The following FOXP1 variants were observed in gnomAD, a reference collection of about 807,000 sequenced individuals.
The protein encoded by FOXP1 is forkhead box protein P1.
A neutral mutation model predicts 98.2 loss-of-function variants in FOXP1; 15 were observed. The ratio of observed to expected loss-of-function variants is 0.15; its 90% CI spans 0.10 to 0.24. FOXP1 has a LOEUF of 0.24. Ranked by LOEUF, FOXP1 falls within the 10% of genes least tolerant of loss-of-function variation. The pLI is 1.00. For synonymous variants in FOXP1, 371 were observed against 314.5 expected, an observed-to-expected ratio of 1.18 and a Z score of -1.90; for missense variants, 633 against 848.5, an observed-to-expected ratio of 0.75 and a Z score of 3.15.
chr3:71,136,810 G>T (rs1553755035), intron 6 of FOXP1, among the ~76,000 whole-genome samples: 7 of 50,252 alleles, frequency 1.4e-4, no homozygotes. Flanking sequence ...CTTTCTCTGA[G>T]AAATACAACA....
intron 6 of FOXP1, among the ~76,000 whole-genome samples, chr3:71,162,163 A>T (rs2061169931): frequency 6.6e-6 from 1 of 152,236 alleles, no homozygotes; most frequent in South Asian, 2.1e-4. Context: ...ATCATCACTT[A>T]CAATTTTTTA....
At chr3:71,374,024 G>A (rs2079532605) in intron 3 of FOXP1, among the ~76,000 whole-genome samples, 1 of 152,178 alleles carries the variant, frequency 6.6e-6, no homozygotes. Context: ...ACTGCAATGT[G>A]TGTAAATTTA....
chr3:71,543,541 C>G (rs576339661), intron 2 of FOXP1: 1 of 152,542 alleles, frequency 6.6e-6, no homozygotes. Context: ...TGCTGAGCCC[C>G]AGCACCAAGC....
intron 5 of FOXP1, among the ~76,000 whole-genome samples, chr3:71,261,610 G>A (rs985434987): frequency 6.6e-6 from 1 of 152,022 alleles, no homozygotes; most frequent in Non-Finnish European, 1.5e-5. Flanking sequence ...ACTGAGGCAG[G>A]TTAGCAAGCT....
At chr3:71,176,743 CAAAAAAAAAAAAAAAA>C (rs573639526) in intron 6 of FOXP1, among the ~76,000 whole-genome samples, 49 of 75,544 alleles carry the variant, frequency 6.5e-4, no homozygotes, top group Admixed American at 9.2e-4. Flanking sequence ...GAGGCTATCT[CAAAAAAAAAAAAAAAA>C]AAAAAAAAAA....
At chr3:71,171,456 A>G (rs2061649096) in intron 6 of FOXP1, among the ~76,000 whole-genome samples, 1 of 152,048 alleles carries the variant, frequency 6.6e-6, no homozygotes, top group Non-Finnish European at 1.5e-5. Context: ...GTAAACAGGC[A>G]TTTTTCCTCT....
intron 5 of FOXP1, among the ~76,000 whole-genome samples, chr3:71,253,109 C>T (rs951513418): frequency 3.3e-5 from 5 of 152,086 alleles, no homozygotes; most frequent in African/African-American, 1.2e-4. Flanking sequence ...TGCCTCCATC[C>T]CCCAATTTTA....
At chr3:71,069,284 A>T (rs929306654) in intron 7 of FOXP1, among the ~76,000 whole-genome samples, 4 of 152,238 alleles carry the variant, frequency 2.6e-5, no homozygotes, top group Admixed American at 1.3e-4. Flanking sequence ...ACATGTCAAC[A>T]TTCAGGTGAC....
intron 6 of FOXP1, among the ~76,000 whole-genome samples, chr3:71,129,938 C>G (rs1020969716): frequency 1.3e-5 from 2 of 152,132 alleles, no homozygotes; most frequent in East Asian, 1.9e-4. Flanking sequence ...CAGCCCACTC[C>G]GTTGAAACAA....
chr3:70,977,743 TATTA>T lies in FOXP1; in HGVS notation c.1349-25_1349-22del, dbSNP rs747995931. 2.0e-5 allele frequency: 32 copies of T among 1,613,138 alleles called. No individual in the cohort carries two copies. In the South Asian group the frequency reaches 2.3e-4, roughly 12 times the overall value. ...ATCTGCTGAATAAGAATCATTGTCC[TATTA>T]ATTATCACTTTTTCAAAAGGGGCTG... On this transcript the variant is annotated intron_variant, in intron 15 of 20. Coordinates refer to ENST00000649528, the MANE Select transcript of FOXP1 (RefSeq NM_001349338.3).
chr3:71,017,038 G>A (rs769930082), intron 11 of FOXP1, among the ~76,000 whole-genome samples: 8 of 151,988 alleles, frequency 5.3e-5, no homozygotes, highest in Non-Finnish European at 1.0e-4. Context: ...AGAAAAAAAG[G>A]TAGAAAAACA....
chr3:71,200,937 T>A (rs1293526039), intron 5 of FOXP1, among the ~76,000 whole-genome samples: 1 of 152,228 alleles, frequency 6.6e-6, no homozygotes, highest in Admixed American at 6.5e-5. Context: ...TCCAACTTGA[T>A]ACAGACTCTT....
chr3:71,029,411 G>A (rs776945281), intron 11 of FOXP1, among the ~76,000 whole-genome samples: 19 of 151,656 alleles, frequency 1.3e-4, no homozygotes, highest in African/African-American at 2.7e-4. Flanking sequence ...ATTTTTTTGA[G>A]ACAGAGTCTT....
At chr3:70,994,346 A>G (rs2041064160) in intron 13 of FOXP1, among the ~76,000 whole-genome samples, 2 of 152,132 alleles carry the variant, frequency 1.3e-5, no homozygotes, top group South Asian at 4.1e-4. Flanking sequence ...TCAGTCCAAG[A>G]AAGTAAACTG....
Position 71,191,353 on chromosome 3 carries a change from C to CT in FOXP1, c.180+6848dup, listed in dbSNP as rs1222826942. ...GTGAGTAGACAAGAGATAGGGCGTT[C>CT]TTTTTTTATGATTATTTTTATTAGC... On this transcript the variant is annotated intron_variant, in intron 6 of 20. Coordinates refer to ENST00000649528, the MANE Select transcript of FOXP1 (RefSeq NM_001349338.3). Among the ~76,000 whole-genome samples the CT allele has an allele frequency of 2.0e-5, 3 of 152,108 alleles. No individual in the cohort carries two copies. In the East Asian group the frequency reaches 5.8e-4, roughly 29 times the overall value.
intron 3 of FOXP1, among the ~76,000 whole-genome samples, chr3:71,490,178 G>C (rs879460547): frequency 2.0e-5 from 3 of 152,130 alleles, no homozygotes; most frequent in African/African-American, 4.8e-5. Flanking sequence ...TGAGTCCTTT[G>C]AGCAAGCCTT....
rs936875478 is a variant in FOXP1, at chr3:70,982,325, G to T, written c.1147-4296C>A. Among the ~76,000 whole-genome samples, 3 of 152,214 alleles carry T rather than the reference G, an allele frequency of 2.0e-5. No individual in the cohort carries two copies. The South Asian group carries it at 6.2e-4, about 32-fold the overall frequency. On this transcript the variant is annotated intron_variant, in intron 14 of 20. Transcript: ENST00000649528. ...GAAAGCATATGTGCTTTGTGTTTCTGATTGCAGTTCAGGTTTTAAAAGATA... is the reference window on the plus strand; with the variant it reads ...GAAAGCATATGTGCTTTGTGTTTCTTATTGCAGTTCAGGTTTTAAAAGATA...
At chr3:71,125,583 G>GA (rs1161731856) in intron 6 of FOXP1, among the ~76,000 whole-genome samples, 2 of 152,172 alleles carry the variant, frequency 1.3e-5, no homozygotes, top group African/African-American at 2.4e-5. Context: ...GAGGGAATCT[G>GA]AAAAAAACTT....
chr3:71,355,096 A>C (rs896711418), intron 4 of FOXP1, among the ~76,000 whole-genome samples: 2 of 152,208 alleles, frequency 1.3e-5, no homozygotes, highest in African/African-American at 4.8e-5. Context: ...TCCAGAGAAA[A>C]CCCAAGGGCA....
Sources: gnomAD v4.1 joint callset for allele counts (sites outside exome capture counted in the v4.1 genomes callset) on GRCh38, gnomAD v4.1.1 for gene constraint, MANE v1.5 for transcripts, NCBI Gene and HGNC (gene_info 2026-07-23, HGNC 2026-07-21) for gene names.